IRF8: variants seen among roughly 807,000 people sequenced by gnomAD.
IRF8 encodes interferon regulatory factor 8.
In IRF8, 14 loss-of-function variants were observed where a neutral mutation model predicts 48.7. The observed-to-expected ratio is 0.29, with a 90% CI of 0.19 to 0.45. The LOEUF (loss-of-function observed/expected upper bound fraction) is 0.45, where lower values mean the gene tolerates loss of function less well. Ranked by LOEUF, IRF8 falls within the 20% of genes least tolerant of loss-of-function variation. IRF8 has a pLI of 1.00. For missense variants in IRF8, 493 were observed against 580.7 expected (o/e 0.85, Z 1.55); for synonymous variants, 278 against 227.3 (o/e 1.22, Z -2.01).
intron 1 of IRF8, among the ~76,000 whole-genome samples, chr16:85,901,430 C>T (rs1254237429): frequency 6.6e-6 from 1 of 152,058 alleles, no homozygotes; most frequent in Admixed American, 6.5e-5. Flanking sequence ...AGTTCAAGAC[C>T]AGACTGGGCA....
chr16:85,906,258 T>C (rs1904998036), intron 2 of IRF8, among the ~76,000 whole-genome samples: 1 of 152,204 alleles, frequency 6.6e-6, no homozygotes. Context: ...CTTAGTTCAG[T>C]GCTGTCAGCC....
chr16:85,909,215 C>A, intron 3 of IRF8, 42 bp downstream of exon 3: 1 of 1,567,846 alleles, frequency 6.4e-7, no homozygotes. Context: ...AGAAGCTGCC[C>A]TGGCCTGTAG....
intron 3 of IRF8, 144 bp from the exon 4 acceptor site, chr16:85,911,426 A>G (rs545205058): frequency 2.8e-6 from 2 of 719,642 alleles, no homozygotes; most frequent in East Asian, 2.9e-5. Flanking sequence ...TGGGAAAAAA[A>G]TTCTGTGCCT....
At chr16:85,919,295 G>A (rs777698324) in intron 7 of IRF8, among the ~76,000 whole-genome samples, 1 of 152,190 alleles carries the variant, frequency 6.6e-6, no homozygotes, top group African/African-American at 2.4e-5. Context: ...GTTAGCTTTC[G>A]TTACGCTGTA....
In IRF8 at chr16:85,911,557, T is replaced by C; in HGVS notation, c.359-13T>C. 6.2e-7 allele frequency: 1 copy of C among 1,612,846 alleles called. No individual in the cohort carries two copies. Among genetic ancestry groups the C allele is most frequent in the Non-Finnish European group, 8.5e-7 (1 of 1,178,848 alleles). On this transcript the variant is annotated splice_polypyrimidine_tract_variant and intron_variant, in intron 3 of 8. Transcript: ENST00000268638. ...CGTGCCATGTGTCATGGTGTTTGTC[T>C]GGTTTTCTGTAGGCAAACTAGGCGT...
rs760910506 is a variant in IRF8 at position 85,918,488 on chromosome 16, G to C, written c.673G>C (p.Glu225Gln). ...GGGCCAGGCCACCACCACCTGCCCC[G>C]AGGGCTGCCGCCTGTCCCTGAGCCA... ...LVGQATTTCP[E>Q]GCRLSLSQPG... The change falls in exon 7 of 9, where the codon GAG becomes CAG. Residue 225 changes from glutamate to glutamine, a missense_variant. Glu to Gln is a conservative substitution (Grantham distance 29). This residue lies in a region of IRF8 where 408 missense variants were observed against 449.6 expected (regional missense o/e 0.91). Transcript: ENST00000268638. The C allele has an allele frequency of 6.3e-7, 1 of 1,591,848 alleles. No homozygotes were observed. Among genetic ancestry groups the C allele is most frequent in the Middle Eastern group, 2.2e-4 (1 of 4,648 alleles).
intron 3 of IRF8, 25 bp from the exon 4 acceptor site, chr16:85,911,545 A>G: frequency 1.9e-6 from 3 of 1,601,146 alleles, no homozygotes; most frequent in Non-Finnish European, 2.6e-6. Flanking sequence ...GCCATGTGTC[A>G]TGGTGTTTGT....
chr16:85,914,618 C>T (rs1458706815), intron 6 of IRF8, 98 bp downstream of exon 6: 5 of 1,381,934 alleles, frequency 3.6e-6, no homozygotes, highest in African/African-American at 1.4e-5. Flanking sequence ...ATGAGCAGGA[C>T]CTGGTGTGGA....
intron 2 of IRF8, among the ~76,000 whole-genome samples, chr16:85,906,517 G>A (rs1905008277): frequency 6.6e-6 from 1 of 152,262 alleles, no homozygotes; most frequent in Non-Finnish European, 1.5e-5. Context: ...GGTACCCGAT[G>A]GTGGCCCTGG....
intron 6 of IRF8, among the ~76,000 whole-genome samples, chr16:85,914,966 G>T (rs1905256164): frequency 6.6e-6 from 1 of 152,232 alleles, no homozygotes; most frequent in Non-Finnish European, 1.5e-5. Flanking sequence ...AACTGTGCAG[G>T]AGAGACAGTG....
rs1904876257 is a variant in IRF8 at position 85,903,048 on chromosome 16, A to G, written c.33A>G (p.Arg11=). Reference sequence around the variant, plus strand: ...ACCGGAATGGTGGTCGGCGGCTTCGACAGTGGCTGATCGAGCAGATTGACA... The same window carrying G: ...ACCGGAATGGTGGTCGGCGGCTTCGGCAGTGGCTGATCGAGCAGATTGACA... MCDRNGGRRL[R]QWLIEQIDSS... The change falls in exon 2 of 9, where the codon CGA becomes CGG. Residue 11 remains arginine, a synonymous_variant. Transcript: ENST00000268638. 6.2e-7 allele frequency: 1 copy of G among 1,614,222 alleles called. No individual in the cohort carries two copies. Among genetic ancestry groups the G allele is most frequent in the Admixed American group, 1.7e-5 (1 of 60,026 alleles).
intron 2 of IRF8, 114 bp from the exon 3 acceptor site, chr16:85,908,876 A>G (rs938106008): frequency 1.1e-6 from 1 of 933,180 alleles, no homozygotes; most frequent in Non-Finnish European, 1.8e-6. Flanking sequence ...ATGAGAGTTG[A>G]TGGCCAACAA....
In IRF8 at chr16:85,903,021, T is replaced by C. The variant is rs374563565; in HGVS notation, c.6T>C (p.Cys2=). Residue 2 remains cysteine (C), a synonymous_variant, in exon 2 of 9, where the codon TGT becomes TGC. Transcript: ENST00000268638. The part of the protein sequence containing the change: M[C]DRNGGRRLRQ... ...GTATTTCTGTCTTTCCAAGGATGTG[T>C]GACCGGAATGGTGGTCGGCGGCTTC... 2.4e-5 allele frequency: 38 copies of C among 1,614,058 alleles called. No individual in the cohort carries two copies. The African/African-American group carries it at 4.5e-4, about 19-fold the overall frequency.
At chr16:85,899,386 C>T (rs2152097206) in intron 1 of IRF8, among the ~76,000 whole-genome samples, 163 bp downstream of exon 1, 1 of 152,362 alleles carries the variant, frequency 6.6e-6, no homozygotes, top group South Asian at 2.1e-4. Flanking sequence ...TATTTTCCAG[C>T]CACCTAAGTC....
chr16:85,918,667 G>T lies in IRF8; in HGVS notation c.852G>T (p.Arg284=). Residue 284 remains arginine (R), a synonymous_variant, in exon 7 of 9, where the codon CGG becomes CGT. Transcript: ENST00000268638. ...LERGVLLHSS[R]QGVFVKRLCQ... ...GCGGGGTGCTGCTGCACAGCAGCCG[G>T]CAGGGCGTGTTCGTCAAGCGGCTGT... 1 of 1,610,844 alleles carries T rather than the reference G, an allele frequency of 6.2e-7. No individual in the cohort carries two copies. The highest frequency in any genetic ancestry group is 1.1e-5 in the South Asian group (1 of 91,058).
intron 5 of IRF8, among the ~76,000 whole-genome samples, chr16:85,913,588 C>A (rs1297300173): frequency 6.6e-6 from 1 of 152,210 alleles, no homozygotes; most frequent in Non-Finnish European, 1.5e-5. Context: ...ACGCTGGCGC[C>A]CCCTCCCTGG....
intron 2 of IRF8, 181 bp downstream of exon 2, chr16:85,903,370 C>G (rs1904890118): frequency 3.2e-6 from 2 of 632,416 alleles, no homozygotes; most frequent in African/African-American, 3.7e-5. Flanking sequence ...GATTTCACAT[C>G]TTTTGAATTA....
intron 4 of IRF8, among the ~76,000 whole-genome samples, chr16:85,912,158 A>C (rs993682956): frequency 2.6e-5 from 4 of 152,252 alleles, no homozygotes; most frequent in African/African-American, 9.6e-5. Context: ...CTGGATAACC[A>C]AGCATGTTCA....
intron 6 of IRF8, among the ~76,000 whole-genome samples, chr16:85,916,701 G>A (rs1161890329): frequency 2.6e-5 from 4 of 152,340 alleles, no homozygotes; most frequent in Non-Finnish European, 2.9e-5. Flanking sequence ...AAGGGGTGAC[G>A]GAGTTGCCTG....
Sources: allele counts gnomAD v4.1 joint callset (sites outside exome capture counted in the v4.1 genomes callset), GRCh38; gene constraint gnomAD v4.1.1; regional missense constraint gnomAD v4.1.1; transcripts MANE v1.5; gene names NCBI Gene and HGNC (gene_info 2026-07-23, HGNC 2026-07-21).